The following DCC variants were observed in gnomAD, a reference collection of about 807,000 sequenced individuals.
DCC encodes the protein netrin receptor DCC.
DCC carries 58 observed loss-of-function variants against 172.5 expected under a neutral mutation model. The observed-to-expected ratio is 0.34, with a 90% CI of 0.27 to 0.42. The LOEUF (loss-of-function observed/expected upper bound fraction) is 0.42. Among genes scored for constraint, DCC ranks in the 10% least tolerant of loss-of-function variants. The pLI is 1.00. For synonymous variants in DCC, 709 were observed against 644.5 expected (o/e 1.10, Z -1.52); for missense variants, 1,740 against 1,791.0 (o/e 0.97, Z 0.51).
chr18:53,421,934 C>T (rs1252142110), intron 21 of DCC, among the ~76,000 whole-genome samples: 2 of 152,162 alleles, frequency 1.3e-5, no homozygotes, highest in East Asian at 3.8e-4. Context: ...ATTCTTATAG[C>T]ACCCTTACAG....
chr18:53,326,023 A>G (rs984677872), intron 14 of DCC, among the ~76,000 whole-genome samples: 1 of 152,196 alleles, frequency 6.6e-6, no homozygotes, highest in African/African-American at 2.4e-5. Flanking sequence ...TTCTGCCACT[A>G]TTAATTCAAA....
intron 12 of DCC, among the ~76,000 whole-genome samples, chr18:53,276,377 T>G (rs1199559986): frequency 6.6e-6 from 1 of 152,170 alleles, no homozygotes; most frequent in African/African-American, 2.4e-5. Context: ...CTACCTGTAT[T>G]TAGAAAGATC....
intron 5 of DCC, chr18:52,934,996 A>AAC (rs1257484841): frequency 3.9e-5 from 6 of 152,178 alleles, no homozygotes; most frequent in African/African-American, 1.4e-4. Flanking sequence ...TAAGAAGACT[A>AAC]ACACAACTAC....
At chr18:52,486,079 T>C (rs1157537763) in intron 1 of DCC, among the ~76,000 whole-genome samples, 3 of 152,110 alleles carry the variant, frequency 2.0e-5, no homozygotes, top group African/African-American at 7.2e-5. Context: ...ACTGTAACCT[T>C]GAATTCCTAG....
At chr18:52,421,558 G>C (rs1336159509) in intron 1 of DCC, among the ~76,000 whole-genome samples, 2 of 152,174 alleles carry the variant, frequency 1.3e-5, no homozygotes, top group Non-Finnish European at 2.9e-5. Context: ...TTGAGGGATG[G>C]TGTCTTTTCA....
At chr18:52,434,007 T>C (rs1987709428) in intron 1 of DCC, among the ~76,000 whole-genome samples, 1 of 152,212 alleles carries the variant, frequency 6.6e-6, no homozygotes, top group South Asian at 2.1e-4. Flanking sequence ...AAGCAGTAGT[T>C]CCTAATCAAA....
At chr18:53,136,438 T>C (rs1490280628) in intron 7 of DCC, among the ~76,000 whole-genome samples, 1 of 152,146 alleles carries the variant, frequency 6.6e-6, no homozygotes, top group African/African-American at 2.4e-5. Flanking sequence ...TTTAAGTATA[T>C]TGCATTTTTA....
intron 1 of DCC, among the ~76,000 whole-genome samples, chr18:52,686,782 T>G (rs2035843431): frequency 6.6e-6 from 1 of 152,078 alleles, no homozygotes; most frequent in Non-Finnish European, 1.5e-5. Flanking sequence ...AATCAACTAG[T>G]ATCCAGGGCT....
chr18:53,266,198 T>C (rs2144694821), intron 12 of DCC, among the ~76,000 whole-genome samples: 1 of 152,314 alleles, frequency 6.6e-6, no homozygotes, highest in African/African-American at 2.4e-5. Flanking sequence ...TCTCATTATC[T>C]TGTTTCTTTT....
chr18:52,741,107 T>A (rs1749852419), intron 1 of DCC, among the ~76,000 whole-genome samples: 1 of 152,236 alleles, frequency 6.6e-6, no homozygotes. Context: ...TGCCTTCTTT[T>A]TTCATATAAA....
intron 1 of DCC, among the ~76,000 whole-genome samples, chr18:52,463,976 A>T (rs1988707470): frequency 6.6e-6 from 1 of 152,156 alleles, no homozygotes; most frequent in African/African-American, 2.4e-5. Context: ...CCTTCACAGT[A>T]GCCATTCAGG....
At chr18:52,738,235 T>C (rs2036758601) in intron 1 of DCC, among the ~76,000 whole-genome samples, 1 of 152,156 alleles carries the variant, frequency 6.6e-6, no homozygotes, top group Admixed American at 6.6e-5. Context: ...TCTTGCTTAA[T>C]GATGGGAATC....
chr18:52,393,030 C>A (rs574182352), intron 1 of DCC, among the ~76,000 whole-genome samples: 1 of 152,186 alleles, frequency 6.6e-6, no homozygotes, highest in African/African-American at 2.4e-5. Flanking sequence ...CTAGGCTAAT[C>A]TGAGAAGTGA....
intron 12 of DCC, among the ~76,000 whole-genome samples, chr18:53,243,006 G>T (rs1442320618): frequency 6.6e-6 from 1 of 151,972 alleles, no homozygotes; most frequent in Non-Finnish European, 1.5e-5. Context: ...GGACCCCAAA[G>T]CTATAAAAGT....
chr18:52,658,934 A>C (rs910983991), intron 1 of DCC, among the ~76,000 whole-genome samples: 12 of 152,196 alleles, frequency 7.9e-5, no homozygotes, highest in Non-Finnish European at 1.2e-4. Context: ...TTTGTCATTC[A>C]ATATAATTCA....
At chr18:52,570,037 C>T in intron 1 of DCC, among the ~76,000 whole-genome samples, 1 of 152,118 alleles carries the variant, frequency 6.6e-6, no homozygotes, top group East Asian at 1.9e-4. Context: ...TATGAGTGAA[C>T]TAGTTAATCT....
intron 4 of DCC, 148 bp from the exon 5 acceptor site, chr18:52,925,086 T>C (rs1158125441): frequency 1.3e-6 from 1 of 763,804 alleles, no homozygotes; most frequent in Non-Finnish European, 2.2e-6. Context: ...TTTGGATCAA[T>C]AAGTGAGACT....
chr18:53,338,845 A>G (rs1568066014), intron 14 of DCC, among the ~76,000 whole-genome samples: 1 of 152,204 alleles, frequency 6.6e-6, no homozygotes, highest in Non-Finnish European at 1.5e-5. Flanking sequence ...GTTTGCATGA[A>G]TTATCTCATT....
chr18:52,404,448 A>G (rs1986557886), intron 1 of DCC, among the ~76,000 whole-genome samples: 1 of 149,650 alleles, frequency 6.7e-6, no homozygotes, highest in Non-Finnish European at 1.5e-5. Flanking sequence ...CTCCTGCTGC[A>G]TAGTGAACAC....
Sources: gnomAD v4.1 joint callset for allele counts (sites outside exome capture counted in the v4.1 genomes callset) on GRCh38, gnomAD v4.1.1 for gene constraint, MANE v1.5 for transcripts, NCBI Gene and HGNC (gene_info 2026-07-23, HGNC 2026-07-21) for gene names.